CSNK1G3: variants seen among roughly 807,000 people sequenced by gnomAD.
The protein encoded by CSNK1G3 is casein kinase 1 gamma 3.
CSNK1G3 carries 23 observed loss-of-function variants against 64.3 expected under a neutral mutation model. The observed-to-expected ratio is 0.36, with a 90% CI of 0.26 to 0.51. The LOEUF is 0.51. CSNK1G3 is among the 20% of genes least tolerant of loss of function. The probability of loss-of-function intolerance (pLI) is 0.96; values close to 1 mark genes in which losing one functional copy is unlikely to be tolerated. For synonymous variants in CSNK1G3, 158 were observed against 162.2 expected, an observed-to-expected ratio of 0.97 and a Z score of 0.20; for missense variants, 357 against 510.5, an observed-to-expected ratio of 0.70 and a Z score of 2.90.
At chr5:123,515,270 T>A (rs903578997) in intron 1 of CSNK1G3, among the ~76,000 whole-genome samples, 2 of 152,200 alleles carry the variant, frequency 1.3e-5, no homozygotes, top group Non-Finnish European at 2.9e-5. Flanking sequence ...TTGTTTCAGA[T>A]GTTTTTCAGA....
At chr5:123,604,757 G>T (rs1795061380) in exon 11 of CSNK1G3, 1 of 1,611,474 alleles carries the variant, frequency 6.2e-7, no homozygotes, top group African/African-American at 1.3e-5. Flanking sequence ...GTTAAACACA[G>T]ATGACCCCAC....
At chr5:123,529,374 G>C (rs1779566414) in intron 1 of CSNK1G3, among the ~76,000 whole-genome samples, 1 of 152,050 alleles carries the variant, frequency 6.6e-6, no homozygotes, top group African/African-American at 2.4e-5. Context: ...TAAATCAGCT[G>C]TTTTTTTGGT....
In CSNK1G3 at chr5:123,567,877, C is replaced by G. The variant is rs142530241; in HGVS notation, c.290-5516C>G. Reference sequence around the variant, plus strand: ...ACCATTACGGTCAACACATTTTTGCCAATAAGAAATAAGTGTTTATTCTTG... The same window carrying G: ...ACCATTACGGTCAACACATTTTTGCGAATAAGAAATAAGTGTTTATTCTTG... On this transcript the variant is annotated intron_variant, in intron 4 of 12. Coordinates refer to ENST00000345990, the Ensembl canonical transcript of CSNK1G3. 4.9e-3 allele frequency among the ~76,000 whole-genome samples: 751 copies of G among 152,184 alleles called. 7 individuals are homozygous for G. The highest frequency in any genetic ancestry group is 0.017 in the African/African-American group (706 of 41,516).
chr5:123,518,420 A>T (rs1777544591), intron 1 of CSNK1G3, among the ~76,000 whole-genome samples: 1 of 152,134 alleles, frequency 6.6e-6, no homozygotes, highest in Non-Finnish European at 1.5e-5. Flanking sequence ...AGTACTTGAG[A>T]GCTCTGGTCT....
exon 1 of CSNK1G3, chr5:123,512,326 G>A (rs2149835031): frequency 6.5e-6 from 1 of 153,278 alleles, no homozygotes; most frequent in Non-Finnish European, 1.5e-5. Flanking sequence ...CCGGCCAGCG[G>A]CGGCGGTAGG....
At position 123,613,574 on chromosome 5, in the gene CSNK1G3, G is replaced by C. The variant is rs1215918792; in HGVS notation, c.1218-768G>C. ...AGATGGGGTCTTGCTGTATTGTCCA[G>C]GCTGGTCTTGAATTCTTAAACTCCT... On this transcript the variant is annotated intron_variant, in intron 12 of 12. Coordinates refer to ENST00000345990, the Ensembl canonical transcript of CSNK1G3. Among the ~76,000 whole-genome samples, 4 of 152,004 alleles carry C rather than the reference G, an allele frequency of 2.6e-5. No individual in the cohort carries two copies. The South Asian group carries it at 6.2e-4, about 24-fold the overall frequency.
intron 4 of CSNK1G3, among the ~76,000 whole-genome samples, chr5:123,562,797 A>T (rs1786033005): frequency 6.6e-6 from 1 of 152,076 alleles, no homozygotes; most frequent in African/African-American, 2.4e-5. Flanking sequence ...AGATATGCAG[A>T]AAGTTTTATA....
intron 1 of CSNK1G3, among the ~76,000 whole-genome samples, chr5:123,531,859 A>G (rs974841076): frequency 3.3e-5 from 5 of 152,062 alleles, no homozygotes; most frequent in South Asian, 4.1e-4. Flanking sequence ...ACAAGTAACT[A>G]TGTTACAAAA....
In CSNK1G3 at chr5:123,575,824, G is replaced by A. The variant is rs775258351; in HGVS notation, c.534G>A (p.Gln178=). The change falls in exon 6 of 13, where the codon CAG becomes CAA. Residue 178 remains glutamine (Q), a synonymous_variant. Coordinates refer to ENST00000345990, the Ensembl canonical transcript of CSNK1G3. ...TAGGACGACCAGGAAACAAAACCCAGCAAGTTATTCACATTATAGATTTTG... is the reference window on the plus strand; with the variant it reads ...TAGGACGACCAGGAAACAAAACCCAACAAGTTATTCACATTATAGATTTTG... 4.3e-6 allele frequency: 7 copies of A among 1,613,610 alleles called. No individual in the cohort carries two copies. In the Admixed American group the frequency reaches 8.3e-5, roughly 19 times the overall value.
chr5:123,557,616 T>C, intron 4 of CSNK1G3, 52 bp downstream of exon 4: 2 of 1,180,960 alleles, frequency 1.7e-6, no homozygotes, highest in Non-Finnish European at 2.4e-6. Flanking sequence ...TTGTCATGAC[T>C]TTTTAGTTTC....
chr5:123,580,931 G>C (rs996613276), intron 6 of CSNK1G3, among the ~76,000 whole-genome samples: 7 of 151,944 alleles, frequency 4.6e-5, no homozygotes, highest in Middle Eastern at 6.8e-3. Flanking sequence ...AAGCTTCTAA[G>C]TGGTAAGTTC....
intron 11 of CSNK1G3, 147 bp downstream of exon 12, chr5:123,604,977 A>T: frequency 1.6e-6 from 1 of 620,984 alleles, no homozygotes; most frequent in Non-Finnish European, 2.9e-6. Flanking sequence ...TATTTTAATC[A>T]CTAGAATGAG....
At chr5:123,542,602 T>G (rs541325645) in intron 1 of CSNK1G3, among the ~76,000 whole-genome samples, 2 of 152,302 alleles carry the variant, frequency 1.3e-5, no homozygotes, top group East Asian at 1.9e-4. Context: ...TTTTGAAGAA[T>G]AATATTACTG....
chr5:123,581,213 G>C (rs1040874566), intron 6 of CSNK1G3, among the ~76,000 whole-genome samples: 2 of 151,268 alleles, frequency 1.3e-5, no homozygotes, highest in Admixed American at 1.3e-4. Flanking sequence ...ATGTTTCAGG[G>C]TATAGTTTTT....
At chr5:123,528,439 T>C (rs577610298) in intron 1 of CSNK1G3, among the ~76,000 whole-genome samples, 10 of 152,322 alleles carry the variant, frequency 6.6e-5, no homozygotes, top group Non-Finnish European at 1.2e-4. Flanking sequence ...TTGACTGCTA[T>C]GTGTTATAGT....
chr5:123,533,017 C>G (rs1290100474), intron 1 of CSNK1G3, among the ~76,000 whole-genome samples: 1 of 151,778 alleles, frequency 6.6e-6, no homozygotes, highest in Admixed American at 6.6e-5. Context: ...TAATTCTCCA[C>G]TAAGGATGAA....
At chr5:123,545,953 T>C in intron 2 of CSNK1G3, 112 bp downstream of exon 2, 4 of 941,548 alleles carry the variant, frequency 4.2e-6, no homozygotes, top group Non-Finnish European at 1.6e-6. Context: ...ATGGTTGTGG[T>C]AATTTTAAAG....
chr5:123,613,411 A>ATGTGTG (rs34051969), intron 12 of CSNK1G3, among the ~76,000 whole-genome samples: 62 of 148,804 alleles, frequency 4.2e-4, no homozygotes, highest in South Asian at 6.4e-4. Flanking sequence ...TGTCCAGTGC[A>ATGTGTG]TGTGTGTGTG....
intron 6 of CSNK1G3, among the ~76,000 whole-genome samples, chr5:123,582,169 G>A (rs1037246788): frequency 4.6e-5 from 7 of 151,964 alleles, no homozygotes; most frequent in Non-Finnish European, 8.8e-5. Flanking sequence ...AACAGTGTTA[G>A]GCAAGTGAGG....
Sources: gnomAD v4.1 joint callset for allele counts (sites outside exome capture counted in the v4.1 genomes callset) on GRCh38, gnomAD v4.1.1 for gene constraint, MANE v1.5 for transcripts, NCBI Gene and HGNC (gene_info 2026-07-23, HGNC 2026-07-21) for gene names.